The following PCDH11X variants were observed in gnomAD, a reference collection of about 807,000 sequenced individuals.
The protein encoded by PCDH11X is protocadherin-11 X-linked.
In PCDH11X, 18 loss-of-function variants were observed where a neutral mutation model predicts 53.3. The observed-to-expected ratio is 0.34, with a 90% confidence interval of 0.23 to 0.50. PCDH11X has a LOEUF of 0.50. PCDH11X is among the 20% of genes least tolerant of loss of function. The pLI is 0.98. For synonymous variants in PCDH11X, 279 were observed against 393.3 expected (o/e 0.71, Z 3.44); for missense variants, 570 against 1,032.4 (o/e 0.55, Z 6.14).
At chrX:92,615,315 C>A (rs933919054) in intron 10 of PCDH11X, among the ~76,000 whole-genome samples, 1 of 110,979 alleles carries the variant, frequency 9.0e-6, no homozygotes, top group African/African-American at 3.3e-5. Context: ...AGCAAGTGGG[C>A]GCTCCAGATG....
intron 6 of PCDH11X, among the ~76,000 whole-genome samples, chrX:92,064,864 C>T (rs776597930): frequency 9.8e-6 from 1 of 101,970 alleles, no homozygotes; most frequent in South Asian, 4.1e-4. Flanking sequence ...CGGGTAGCTT[C>T]TCATTTAGTT....
intron 10 of PCDH11X, among the ~76,000 whole-genome samples, chrX:92,557,210 T>C (rs940927713): frequency 8.3e-5 from 9 of 107,794 alleles, no homozygotes; most frequent in East Asian, 3.0e-4. Context: ...GCCTTGGGAA[T>C]TAGCATTCAG....
chrX:91,935,260 T>C (rs1165654031), intron 6 of PCDH11X, among the ~76,000 whole-genome samples: 1 of 106,628 alleles, frequency 9.4e-6, no homozygotes. Flanking sequence ...TTTCAGTTTT[T>C]CATGGCTATA....
chrX:92,070,641 T>A (rs2063686302), intron 6 of PCDH11X, among the ~76,000 whole-genome samples: 1 of 111,398 alleles, frequency 9.0e-6, no homozygotes, highest in Admixed American at 9.7e-5. Context: ...TGCCTTGAGG[T>A]GATCTCCTTC....
intron 4 of PCDH11X, among the ~76,000 whole-genome samples, chrX:91,830,928 T>C (rs1461049965): frequency 3.3e-4 from 37 of 111,725 alleles, no homozygotes; most frequent in African/African-American, 1.2e-3. Context: ...CATTTAAATA[T>C]ATTACAAATG....
At chrX:91,956,204 C>A (rs1176558398) in intron 6 of PCDH11X, among the ~76,000 whole-genome samples, 1 of 110,810 alleles carries the variant, frequency 9.0e-6, no homozygotes, top group African/African-American at 3.3e-5. Flanking sequence ...GGCTCTTTAT[C>A]CATCTTGCCA....
intron 7 of PCDH11X, among the ~76,000 whole-genome samples, chrX:92,205,888 AC>A (rs1333202075): frequency 1.8e-5 from 2 of 111,723 alleles, no homozygotes; most frequent in African/African-American, 6.5e-5. Context: ...GGCATGAGCT[AC>A]TGCACCTAGG....
chrX:92,336,399 C>T (rs1490866279), intron 8 of PCDH11X, among the ~76,000 whole-genome samples: 5 of 111,369 alleles, frequency 4.5e-5, no homozygotes, highest in African/African-American at 1.6e-4. Context: ...AGAGGTAGTC[C>T]ATGTTTCTGA....
At chrX:92,283,315 G>A (rs2068290766) in intron 8 of PCDH11X, among the ~76,000 whole-genome samples, 1 of 111,033 alleles carries the variant, frequency 9.0e-6, no homozygotes, top group African/African-American at 3.3e-5. Flanking sequence ...ATGTTAATAA[G>A]GATTTACTTC....
intron 7 of PCDH11X, among the ~76,000 whole-genome samples, chrX:92,256,141 C>T (rs1157852403): frequency 8.9e-6 from 1 of 112,153 alleles, no homozygotes; most frequent in Non-Finnish European, 1.9e-5. Context: ...TGTGGTGCAC[C>T]GTTTTTTAAG....
chrX:92,126,405 G>A (rs1449329570), intron 6 of PCDH11X, among the ~76,000 whole-genome samples: 1 of 110,971 alleles, frequency 9.0e-6, no homozygotes. Context: ...GAGGTTAGGA[G>A]TTTGAAACCA....
intron 6 of PCDH11X, among the ~76,000 whole-genome samples, chrX:92,079,579 TA>T (rs1172136895): frequency 1.1e-3 from 112 of 103,218 alleles, no homozygotes; most frequent in African/African-American, 2.2e-3. Flanking sequence ...TTTTCTAAAG[TA>T]AAAAAAAAAA....
At chrX:92,000,555 A>C (rs1440884316) in intron 6 of PCDH11X, among the ~76,000 whole-genome samples, 2 of 106,382 alleles carry the variant, frequency 1.9e-5, no homozygotes, top group Non-Finnish European at 3.9e-5. Context: ...CCCCTCAAGC[A>C]CTTATCCTTC....
intron 4 of PCDH11X, among the ~76,000 whole-genome samples, chrX:91,822,942 A>G (rs1391248315): frequency 3.6e-5 from 4 of 110,771 alleles, no homozygotes; most frequent in Non-Finnish European, 7.6e-5. Flanking sequence ...CCCAGTAGTC[A>G]TTCAGGAGCA....
intron 8 of PCDH11X, among the ~76,000 whole-genome samples, chrX:92,335,698 A>G (rs2069599939): frequency 8.9e-6 from 1 of 111,752 alleles, no homozygotes; most frequent in African/African-American, 3.2e-5. Context: ...AAAAGCAACT[A>G]CTAGAAACAT....
intron 6 of PCDH11X, among the ~76,000 whole-genome samples, chrX:91,889,824 A>T (rs1223691469): frequency 9.1e-6 from 1 of 110,338 alleles, no homozygotes; most frequent in Non-Finnish European, 1.9e-5. Context: ...TATTGTAAAT[A>T]GTTTCATTTT....
intron 10 of PCDH11X, among the ~76,000 whole-genome samples, chrX:92,551,987 T>A (rs1329691644): frequency 5.1e-5 from 2 of 39,465 alleles, no homozygotes; most frequent in Non-Finnish European, 1.2e-4. Context: ...GTGATTCCTC[T>A]GGTTTTTTTT....
chrX:92,232,435 C>T, intron 7 of PCDH11X, among the ~76,000 whole-genome samples: 1 of 111,483 alleles, frequency 9.0e-6, no homozygotes, highest in Non-Finnish European at 1.9e-5. Flanking sequence ...GAAAAATACC[C>T]TAAATGCCCT....
At chrX:92,382,282 T>C (rs1436939230) in intron 8 of PCDH11X, among the ~76,000 whole-genome samples, 2 of 111,791 alleles carry the variant, frequency 1.8e-5, no homozygotes, top group Non-Finnish European at 3.8e-5. Context: ...TCAGAGTTAC[T>C]GGTGATGACA....
Sources: gnomAD v4.1 joint callset for allele counts (sites outside exome capture counted in the v4.1 genomes callset) on GRCh38, gnomAD v4.1.1 for gene constraint, MANE v1.5 for transcripts, NCBI Gene and HGNC (gene_info 2026-07-23, HGNC 2026-07-21) for gene names.